SCP2: variants seen among roughly 807,000 people sequenced by gnomAD.
SCP2 encodes the protein SCP-2/3-oxoacyl-CoA thiolase.
Under a neutral mutation model 71.4 loss-of-function variants are expected in SCP2, and 48 were observed. The observed-to-expected ratio is 0.67, with a 90% CI of 0.53 to 0.86. The LOEUF is 0.86. Among genes scored for constraint, SCP2 ranks in the 40% least tolerant of loss-of-function variants. The pLI, the probability that SCP2 is intolerant of heterozygous loss-of-function variation, is 0.00. For synonymous variants in SCP2, 220 were observed against 218.1 expected (o/e 1.01, Z -0.08); for missense variants, 560 against 655.6 (o/e 0.85, Z 1.59).
Position 52,987,007 on chromosome 1 carries a change from T to TATATATATATATATA in SCP2, c.974-1022_974-1021insATATATATATATATA, listed in dbSNP as rs1491431026. Among the ~76,000 whole-genome samples the TATATATATATATATA allele has an allele frequency of 2.2e-4, 14 of 62,712 alleles. No individual in the cohort carries two copies. The East Asian group carries it at 4.8e-3, about 21-fold the overall frequency. The allele number at this position is 62,712 out of a possible 152,430, so 41.1% of individuals were successfully genotyped here. ...TTCTGTATATATATATATATATATA[T>TATATATATATATATA]TTTTTTTTTTTTTTTTTTGAGACAG... On this transcript the variant is annotated intron_variant, in intron 10 of 15. Transcript: ENST00000371514.
chr1:53,005,061 C>G (rs1264898639), intron 11 of SCP2, among the ~76,000 whole-genome samples: 3 of 152,202 alleles, frequency 2.0e-5, no homozygotes, highest in Non-Finnish European at 4.4e-5. Context: ...TGCAAGGTGA[C>G]AGCGAGGCTT....
At chr1:52,947,908 A>G (rs1383255590) in intron 2 of SCP2, 101 bp from the exon 3 acceptor site, 5 of 784,424 alleles carry the variant, frequency 6.4e-6, no homozygotes, top group African/African-American at 3.4e-5. Flanking sequence ...AGCATAGACT[A>G]TATAGAGGTA....
At chr1:52,993,265 T>C (rs765600969) in intron 11 of SCP2, 1 of 1,614,204 alleles carries the variant, frequency 6.2e-7, no homozygotes, top group South Asian at 1.1e-5. Flanking sequence ...AAGGAGGACA[T>C]TCCTGCTCTT....
At chr1:53,035,910 C>G (rs1043420607) in intron 13 of SCP2, among the ~76,000 whole-genome samples, 55 of 151,368 alleles carry the variant, frequency 3.6e-4, no homozygotes, top group African/African-American at 1.3e-3. Flanking sequence ...GTCCCAGCTA[C>G]TCGGGAGGCT....
At chr1:52,946,673 T>A (rs1654826095) in intron 2 of SCP2, among the ~76,000 whole-genome samples, 1 of 151,946 alleles carries the variant, frequency 6.6e-6, no homozygotes, top group African/African-American at 2.4e-5. Context: ...CCCAATTCTG[T>A]AACCAATTAC....
intron 13 of SCP2, among the ~76,000 whole-genome samples, chr1:53,037,964 C>CACACACACAGATCCAGATCCTGTCTCTAT (rs1557628009): frequency 0.055 from 5,096 of 92,242 alleles, 303 homozygotes; most frequent in Admixed American, 0.19. Flanking sequence ...CACACACACA[C>CACACACACAGATCCAGATCCTGTCTCTAT]ACACACACAC....
intron 13 of SCP2, among the ~76,000 whole-genome samples, chr1:53,031,229 G>C (rs1157108004): frequency 6.6e-6 from 1 of 152,070 alleles, no homozygotes; most frequent in Non-Finnish European, 1.5e-5. Context: ...TCATTACTGG[G>C]ATTTACAAAT....
chr1:52,982,524 C>G (rs1450707669), intron 10 of SCP2, among the ~76,000 whole-genome samples: 1 of 152,088 alleles, frequency 6.6e-6, no homozygotes, highest in Non-Finnish European at 1.5e-5. Flanking sequence ...GAGCTGATAT[C>G]ATACCACTGC....
chr1:52,989,691 C>T (rs1332094261), intron 11 of SCP2, among the ~76,000 whole-genome samples: 2 of 152,128 alleles, frequency 1.3e-5, no homozygotes, highest in African/African-American at 4.8e-5. Context: ...AGTATTTTCC[C>T]TAGAGGCAAT....
chr1:52,993,004 T>C (rs1659635802), intron 11 of SCP2, among the ~76,000 whole-genome samples: 1 of 152,240 alleles, frequency 6.6e-6, no homozygotes, highest in Non-Finnish European at 1.5e-5. Flanking sequence ...GCAGCCTTAG[T>C]GTTTCCTTTA....
chr1:53,007,813 C>A (rs996693560), intron 11 of SCP2, among the ~76,000 whole-genome samples: 37 of 152,136 alleles, frequency 2.4e-4, no homozygotes, highest in African/African-American at 8.7e-4. Flanking sequence ...CACAAAAAAA[C>A]CCTTCAAAAA....
At chr1:53,002,118 C>T (rs1367920120) in intron 11 of SCP2, among the ~76,000 whole-genome samples, 3 of 149,944 alleles carry the variant, frequency 2.0e-5, no homozygotes, top group African/African-American at 4.9e-5. Context: ...TGGGAGGCGG[C>T]GGAGCTTGCA....
chr1:52,977,222 G>GA (rs149986748), intron 8 of SCP2, among the ~76,000 whole-genome samples: 2,222 of 152,292 alleles, frequency 0.015, 34 homozygotes, highest in Non-Finnish European at 0.022. Flanking sequence ...CTGTCTCCTA[G>GA]AAAATTGAGT....
At chr1:52,932,045 C>T (rs1025613852) in intron 1 of SCP2, among the ~76,000 whole-genome samples, 16 of 151,416 alleles carry the variant, frequency 1.1e-4, no homozygotes, top group African/African-American at 3.9e-4. Context: ...GACAATGGAG[C>T]AAGAACAAAG....
chr1:52,950,637 G>T, intron 3 of SCP2, 118 bp from the exon 4 acceptor site: 1 of 788,118 alleles, frequency 1.3e-6, no homozygotes, highest in Non-Finnish European at 2.2e-6. Flanking sequence ...GATATTTACT[G>T]TCTTGCACAT....
intron 1 of SCP2, among the ~76,000 whole-genome samples, chr1:52,938,826 T>C (rs1158788146): frequency 6.6e-6 from 1 of 152,248 alleles, no homozygotes; most frequent in Non-Finnish European, 1.5e-5. Flanking sequence ...TAATTTACTT[T>C]AGTGTTCACT....
intron 4 of SCP2, among the ~76,000 whole-genome samples, chr1:52,953,804 C>T (rs1010528612): frequency 2.1e-5 from 3 of 143,836 alleles, no homozygotes; most frequent in Admixed American, 7.0e-5. Context: ...GCCTGGGCAA[C>T]ATGGTGAGAC....
At chr1:52,974,211 C>T (rs189973861) in intron 6 of SCP2, among the ~76,000 whole-genome samples, 57 of 151,926 alleles carry the variant, frequency 3.8e-4, no homozygotes, top group South Asian at 2.1e-4. Flanking sequence ...ATTTTTTTTG[C>T]GTGTTTTACC....
intron 12 of SCP2, among the ~76,000 whole-genome samples, chr1:53,017,743 C>T (rs1661431112): frequency 6.6e-6 from 1 of 152,128 alleles, no homozygotes; most frequent in Admixed American, 6.5e-5. Context: ...ATAATGATTA[C>T]AACTGTATGC....
Sources: allele counts gnomAD v4.1 joint callset (sites outside exome capture counted in the v4.1 genomes callset), GRCh38; gene constraint gnomAD v4.1.1; transcripts MANE v1.5; gene names NCBI Gene and HGNC (gene_info 2026-07-23, HGNC 2026-07-21).